EFEMP1: variants seen among roughly 807,000 people sequenced by gnomAD.
EFEMP1 encodes the protein EGF-like fibulin extracellular matrix protein 1.
EFEMP1 carries 18 observed loss-of-function variants against 65.7 expected under a neutral mutation model. That is an observed-to-expected ratio of 0.27 (90% confidence interval 0.19 to 0.41). The LOEUF is 0.41. EFEMP1 is among the 10% of genes least tolerant of loss of function. The pLI, the probability that EFEMP1 is intolerant of heterozygous loss-of-function variation, is 1.00. For missense variants in EFEMP1, 469 were observed against 624.8 expected, an observed-to-expected ratio of 0.75 and a Z score of 2.66; for synonymous variants, 237 against 219.7, an observed-to-expected ratio of 1.08 and a Z score of -0.70.
chr2:55,888,461 C>T (rs1404162039), intron 5 of EFEMP1, among the ~76,000 whole-genome samples: 2 of 151,380 alleles, frequency 1.3e-5, no homozygotes, highest in African/African-American at 4.9e-5. Context: ...ACTCAGCCTC[C>T]TGAGTAGCTG....
chr2:55,891,344 A>G (rs540685346), intron 5 of EFEMP1, among the ~76,000 whole-genome samples: 2 of 152,232 alleles, frequency 1.3e-5, no homozygotes, highest in South Asian at 4.1e-4. Flanking sequence ...AACATGCTAC[A>G]TGCAAATATG....
intron 8 of EFEMP1, 111 bp downstream of exon 8, chr2:55,876,512 C>A (rs1669040341): frequency 6.8e-7 from 1 of 1,477,234 alleles, no homozygotes; most frequent in Non-Finnish European, 9.2e-7. Context: ...GATTTTAGAA[C>A]AGAATTCCCA....
chr2:55,916,830 G>A (rs1670707449), intron 5 of EFEMP1, among the ~76,000 whole-genome samples: 1 of 152,206 alleles, frequency 6.6e-6, no homozygotes, highest in African/African-American at 2.4e-5. Flanking sequence ...GCACAGTTCA[G>A]TTAGCTAATA....
At chr2:55,915,176 T>G (rs951163356) in intron 5 of EFEMP1, among the ~76,000 whole-genome samples, 1 of 152,184 alleles carries the variant, frequency 6.6e-6, no homozygotes, top group Non-Finnish European at 1.5e-5. Context: ...CCCTAAGCCT[T>G]CCAAAAAACT....
intron 5 of EFEMP1, among the ~76,000 whole-genome samples, chr2:55,904,966 CTTTTTTTTTTTTCTTTTTCTTTTT>C: frequency 1.4e-5 from 1 of 70,560 alleles, no homozygotes; most frequent in South Asian, 5.4e-4. Flanking sequence ...GGGATAGTGG[CTTTTTTTTTTTTCTTTTTCTTTTT>C]TTTTTTTTTT....
At chr2:55,912,758 TA>T (rs1670525324) in intron 5 of EFEMP1, among the ~76,000 whole-genome samples, 1 of 152,118 alleles carries the variant, frequency 6.6e-6, no homozygotes, top group Non-Finnish European at 1.5e-5. Context: ...TGATTGAAAA[TA>T]TAGCTGAAAG....
In EFEMP1 at chr2:55,866,919, C is replaced by A; in HGVS notation, c.*154G>T. ...ACTTTGAATCTTTACATATTAAATG[C>A]CCACTTTATACCATGGTGTAATTGT... On this transcript the variant is annotated 3_prime_UTR_variant, in exon 12 of 12. Coordinates refer to ENST00000355426, the MANE Select transcript of EFEMP1 (RefSeq NM_001039348.3). The A allele has an allele frequency of 2.1e-6, 2 of 943,990 alleles. No homozygotes were observed. The highest frequency in any genetic ancestry group is 3.2e-6 in the Non-Finnish European group (2 of 632,634). The allele number at this position is 943,990 out of a possible 1,614,324, so 58.5% of individuals were successfully genotyped here.
chr2:55,903,907 C>T (rs1464174105), intron 5 of EFEMP1, among the ~76,000 whole-genome samples: 1 of 152,132 alleles, frequency 6.6e-6, no homozygotes. Flanking sequence ...TCATTGTCCT[C>T]AACTCCCTTG....
chr2:55,881,484 T>A, intron 6 of EFEMP1, 128 bp downstream of exon 6: 1 of 1,187,356 alleles, frequency 8.4e-7, no homozygotes, highest in Non-Finnish European at 1.2e-6. Flanking sequence ...ATTGGTAGTC[T>A]ATAAAAAAAT....
chr2:55,922,561 C>T lies in EFEMP1; in HGVS notation c.-7-114G>A. The T allele has an allele frequency of 1.1e-6, 1 of 947,350 alleles. No individual in the cohort carries two copies. The highest frequency in any genetic ancestry group is 1.7e-6 in the Non-Finnish European group (1 of 597,618). The allele number at this position is 947,350 out of a possible 1,614,324, so 58.7% of individuals were successfully genotyped here. A position where few individuals can be genotyped will look rare whatever the true frequency, so the allele number is the denominator to read the frequency against. On this transcript the variant is annotated intron_variant, in intron 2 of 11. Coordinates refer to ENST00000355426, the MANE Select transcript of EFEMP1 (RefSeq NM_001039348.3). The surrounding 1 kb of genome is among the most constrained non-coding windows in gnomAD (Gnocchi z 5.5). ...AGGGTGGGAGAGGCTGAGGCTCCAC[C>T]ATACTCAACTTCCAATCTGCTTTCT...
chr2:55,915,150 A>G (rs1315457625), intron 5 of EFEMP1, among the ~76,000 whole-genome samples: 3 of 152,234 alleles, frequency 2.0e-5, no homozygotes, highest in Non-Finnish European at 4.4e-5. Context: ...TGAGGTGGGA[A>G]GAAATCCAAC....
intron 5 of EFEMP1, among the ~76,000 whole-genome samples, chr2:55,894,612 TG>T (rs1669747640): frequency 6.6e-6 from 1 of 152,216 alleles, no homozygotes; most frequent in Admixed American, 6.5e-5. Context: ...GGCCAATATT[TG>T]TTTTTTTAAA....
chr2:55,914,558 A>G (rs2104447598), intron 5 of EFEMP1, among the ~76,000 whole-genome samples: 1 of 152,356 alleles, frequency 6.6e-6, no homozygotes, highest in Middle Eastern at 3.4e-3. Context: ...TAGTGCATTC[A>G]AAGGCACAAT....
At chr2:55,890,367 C>A (rs1345440579) in intron 5 of EFEMP1, among the ~76,000 whole-genome samples, 3 of 151,950 alleles carry the variant, frequency 2.0e-5, no homozygotes, top group African/African-American at 7.2e-5. Context: ...AATTGACAAG[C>A]ACAGTTACAG....
Position 55,905,126 on chromosome 2 carries a change from T to C in EFEMP1, c.517+12539A>G, listed in dbSNP as rs142084921. Among the ~76,000 whole-genome samples, 3 of 152,058 alleles carry C rather than the reference T, an allele frequency of 2.0e-5. No individual in the cohort carries two copies. The East Asian group carries it at 5.8e-4, about 29-fold the overall frequency. ...TGCACTGATTCTTCTTTTCCTATCT[T>C]CTCAGCCTATCAAGATTTACACTGA... On this transcript the variant is annotated intron_variant, in intron 5 of 11. Coordinates refer to ENST00000355426, the MANE Select transcript of EFEMP1 (RefSeq NM_001039348.3).
At chr2:55,872,310 C>G (rs537673990) in intron 9 of EFEMP1, among the ~76,000 whole-genome samples, 19 of 152,128 alleles carry the variant, frequency 1.2e-4, no homozygotes, top group African/African-American at 4.6e-4. Context: ...AATTCTCATA[C>G]CCGGTGTTCT....
chr2:55,875,165 T>C, intron 8 of EFEMP1, 100 bp from the exon 9 acceptor site: 2 of 511,654 alleles, frequency 3.9e-6, no homozygotes, highest in Non-Finnish European at 5.5e-6. Flanking sequence ...ATATAAATTA[T>C]AAGATTTAAA....
chr2:55,902,094 C>T (rs1670060431), intron 5 of EFEMP1, among the ~76,000 whole-genome samples: 1 of 152,190 alleles, frequency 6.6e-6, no homozygotes, highest in East Asian at 1.9e-4. Flanking sequence ...CCCAGCTAAG[C>T]CACAACTTGA....
intron 5 of EFEMP1, among the ~76,000 whole-genome samples, chr2:55,895,580 C>A (rs1049707241): frequency 6.8e-6 from 1 of 146,426 alleles, no homozygotes; most frequent in Non-Finnish European, 1.5e-5. Flanking sequence ...GTCTCGCTGT[C>A]GCCCAGGCTG....
Sources: gnomAD v4.1 joint callset for allele counts (sites outside exome capture counted in the v4.1 genomes callset) on GRCh38, gnomAD v4.1.1 for gene constraint, Gnocchi (gnomAD v3.1) non-coding constraint, MANE v1.5 for transcripts, NCBI Gene and HGNC (gene_info 2026-07-23, HGNC 2026-07-21) for gene names.